CSMD1: variants seen among roughly 807,000 people sequenced by gnomAD.
The protein encoded by CSMD1 is CUB and Sushi multiple domains 1, also known as CUB and sushi domain-containing protein 1.
CSMD1 carries 213 observed loss-of-function variants against 417.5 expected under a neutral mutation model. That is an observed-to-expected ratio of 0.51 (90% CI 0.46 to 0.57). The LOEUF (loss-of-function observed/expected upper bound fraction) is 0.57. Ranked by LOEUF, CSMD1 falls within the 20% of genes least tolerant of loss-of-function variation. The probability of loss-of-function intolerance (pLI) is 0.00; values close to 1 mark genes in which losing one functional copy is unlikely to be tolerated. For synonymous variants in CSMD1, 2,862 were observed against 1,736.8 expected, an observed-to-expected ratio of 1.65 and a Z score of -16.11; for missense variants, 6,923 against 4,529.7, an observed-to-expected ratio of 1.53 and a Z score of -15.17.
intron 7 of CSMD1, among the ~76,000 whole-genome samples, chr8:3,675,077 T>C (rs887332458): frequency 6.6e-6 from 1 of 152,154 alleles, no homozygotes; most frequent in African/African-American, 2.4e-5. Flanking sequence ...ACGAATACCG[T>C]CGACCATAAA....
intron 7 of CSMD1, among the ~76,000 whole-genome samples, chr8:3,683,587 T>G (rs995654796): frequency 6.6e-6 from 1 of 152,200 alleles, no homozygotes; most frequent in Non-Finnish European, 1.5e-5. Flanking sequence ...TAAAGCACTT[T>G]TTTGAATATC....
chr8:4,446,860 A>G (rs1390389809), intron 2 of CSMD1, among the ~76,000 whole-genome samples: 1 of 150,684 alleles, frequency 6.6e-6, no homozygotes, highest in Non-Finnish European at 1.5e-5. Context: ...TGACCTTGTG[A>G]TCCACCCGCC....
chr8:3,224,420 G>A (rs1177458477), intron 27 of CSMD1, among the ~76,000 whole-genome samples: 1 of 152,162 alleles, frequency 6.6e-6, no homozygotes, highest in Non-Finnish European at 1.5e-5. Flanking sequence ...AAGTGTTCAG[G>A]AAATGGTTAT....
chr8:3,947,988 C>G (rs1324966727), intron 5 of CSMD1, among the ~76,000 whole-genome samples: 2 of 152,164 alleles, frequency 1.3e-5, no homozygotes, highest in Admixed American at 6.5e-5. Context: ...GGTGGATCAC[C>G]TGAAGTCAGG....
chr8:4,810,275 T>A (rs969915608), intron 1 of CSMD1, among the ~76,000 whole-genome samples: 2 of 152,224 alleles, frequency 1.3e-5, no homozygotes, highest in Non-Finnish European at 1.5e-5. Flanking sequence ...CCTAATAAAA[T>A]TCAAATTGAT....
intron 1 of CSMD1, among the ~76,000 whole-genome samples, chr8:4,905,835 G>GA (rs1021580459): frequency 1.3e-4 from 16 of 126,404 alleles, no homozygotes; most frequent in Admixed American, 9.1e-4. Flanking sequence ...AAAAAAAAAA[G>GA]AAAAAAAGAA....
chr8:3,864,162 T>C (rs565822318), intron 5 of CSMD1, among the ~76,000 whole-genome samples: 25 of 152,352 alleles, frequency 1.6e-4, no homozygotes, highest in African/African-American at 5.5e-4. Context: ...TCACCTTTAA[T>C]ATTATAGGAA....
chr8:4,228,848 A>C (rs1181047447), intron 3 of CSMD1, among the ~76,000 whole-genome samples: 1 of 151,664 alleles, frequency 6.6e-6, no homozygotes, highest in Non-Finnish European at 1.5e-5. Flanking sequence ...TGCCCAGCTA[A>C]TTTTTGTATT....
Position 2,965,860 on chromosome 8 carries a change from TG to T in CSMD1, c.9194del (p.Pro3065GlnfsTer55). On this transcript the variant is annotated frameshift_variant, in exon 59 of 70. Coordinates refer to ENST00000635120, the MANE Select transcript of CSMD1 (RefSeq NM_033225.6). LOFTEE classifies it high-confidence loss of function. ...ATGTGACTGCTTCCATGACATAGCC[TG>T]GGTTACACTGATAGCTCACAGTCTT... ...FNKTVSYQCN[P>X]GYVMEAVTSA... is the part of the protein sequence containing the mutation. 6.2e-7 allele frequency: 1 copy of T among 1,609,848 alleles called. No individual in the cohort carries two copies. The highest frequency in any genetic ancestry group is 8.5e-7 in the Non-Finnish European group (1 of 1,178,040).
chr8:4,694,512 T>A lies in CSMD1; in HGVS notation c.86-56954A>T, dbSNP rs184492722. On this transcript the variant is annotated intron_variant, in intron 1 of 69. Coordinates refer to ENST00000635120, the MANE Select transcript of CSMD1 (RefSeq NM_033225.6). ...GGCTATCTATATGCATGTGTCACCA[T>A]GCCAGGCTAATTTTTTTTGGGGGGG... Among the ~76,000 whole-genome samples, 157 of 152,028 alleles carry A rather than the reference T, an allele frequency of 1.0e-3. 1 individual carries two copies. The highest frequency in any genetic ancestry group is 3.5e-3 in the African/African-American group (144 of 41,490).
At chr8:4,756,365 A>G (rs1442307833) in intron 1 of CSMD1, among the ~76,000 whole-genome samples, 1 of 152,172 alleles carries the variant, frequency 6.6e-6, no homozygotes, top group East Asian at 1.9e-4. Flanking sequence ...CCATATTTTT[A>G]AAAGTAACAC....
chr8:4,866,453 TTTTG>T (rs1226693769), intron 1 of CSMD1, among the ~76,000 whole-genome samples: 3 of 151,718 alleles, frequency 2.0e-5, no homozygotes, highest in Non-Finnish European at 1.5e-5. Flanking sequence ...TTCTATTCTC[TTTTG>T]TTTTTTTCTT....
At chr8:3,608,094 C>A (rs915097620) in intron 8 of CSMD1, among the ~76,000 whole-genome samples, 1 of 151,312 alleles carries the variant, frequency 6.6e-6, no homozygotes, top group African/African-American at 2.4e-5. Flanking sequence ...ATTGTTTGAA[C>A]CTGGGAGGTG....
intron 5 of CSMD1, among the ~76,000 whole-genome samples, chr8:3,955,575 G>C (rs991747412): frequency 4.6e-5 from 7 of 152,054 alleles, no homozygotes; most frequent in African/African-American, 7.2e-5. Context: ...TATTCCATAG[G>C]AGATTGGTGC....
chr8:3,485,226 A>T (rs900684501), intron 11 of CSMD1, among the ~76,000 whole-genome samples: 1 of 152,172 alleles, frequency 6.6e-6, no homozygotes, highest in Non-Finnish European at 1.5e-5. Context: ...GCCAGCAAAA[A>T]ACGGGAGGAA....
At chr8:4,471,834 C>T (rs756288118) in intron 2 of CSMD1, among the ~76,000 whole-genome samples, 3 of 152,094 alleles carry the variant, frequency 2.0e-5, no homozygotes, top group Non-Finnish European at 4.4e-5. Flanking sequence ...AATGACTACG[C>T]TGCAAGGAAG....
chr8:4,627,455 T>A (rs568205099), intron 2 of CSMD1, among the ~76,000 whole-genome samples: 1 of 152,172 alleles, frequency 6.6e-6, no homozygotes, highest in African/African-American at 2.4e-5. Context: ...GAAAAAAGAA[T>A]AGAAGTAAAT....
chr8:3,706,452 C>A (rs1255843935), intron 7 of CSMD1, among the ~76,000 whole-genome samples: 1 of 152,220 alleles, frequency 6.6e-6, no homozygotes. Flanking sequence ...CTCAAGGTTT[C>A]CATTCCTCAT....
intron 3 of CSMD1, among the ~76,000 whole-genome samples, chr8:4,221,037 G>C (rs981755874): frequency 3.3e-5 from 5 of 152,124 alleles, no homozygotes; most frequent in Admixed American, 6.5e-5. Flanking sequence ...TGATTGTCCA[G>C]CTTTTCCCAT....
Sources: gnomAD v4.1 joint callset for allele counts (sites outside exome capture counted in the v4.1 genomes callset) on GRCh38, gnomAD v4.1.1 for gene constraint, MANE v1.5 for transcripts, NCBI Gene and HGNC (gene_info 2026-07-23, HGNC 2026-07-21) for gene names.